Variants in TLE1 observed in about 807,000 individuals in gnomAD.
TLE1 encodes the protein TLE family member 1, transcriptional corepressor.
Under a neutral mutation model 89.8 loss-of-function variants are expected in TLE1, and 21 were observed. The ratio of observed to expected loss-of-function variants is 0.23; its 90% CI spans 0.17 to 0.34. TLE1 has a LOEUF of 0.34. Ranked by LOEUF, TLE1 falls within the 10% of genes least tolerant of loss-of-function variation. The pLI, the probability that TLE1 is intolerant of heterozygous loss-of-function variation, is 1.00. For synonymous variants in TLE1, 447 were observed against 407.6 expected (o/e 1.10, Z -1.16); for missense variants, 795 against 1,031.2 (o/e 0.77, Z 3.14).
chr9:81,659,339 C>T (rs911586585), intron 4 of TLE1, among the ~76,000 whole-genome samples: 6 of 152,218 alleles, frequency 3.9e-5, no homozygotes, highest in Non-Finnish European at 8.8e-5. Flanking sequence ...TGAGGGCTAA[C>T]TGTATTTCCC....
At chr9:81,674,071 T>A (rs1026578547) in intron 4 of TLE1, among the ~76,000 whole-genome samples, 16 of 152,142 alleles carry the variant, frequency 1.1e-4, no homozygotes, top group African/African-American at 3.6e-4. Context: ...GGTGGCTGCA[T>A]TTTGTTCTCT....
At chr9:81,649,278 G>A (rs1244324532) in intron 6 of TLE1, among the ~76,000 whole-genome samples, 1 of 152,134 alleles carries the variant, frequency 6.6e-6, no homozygotes, top group Non-Finnish European at 1.5e-5. Context: ...CAATTTCTAT[G>A]CTGGTGAGAA....
chr9:81,586,467 A>G (rs1828474507), intron 17 of TLE1, among the ~76,000 whole-genome samples: 1 of 152,232 alleles, frequency 6.6e-6, no homozygotes, highest in Non-Finnish European at 1.5e-5. Flanking sequence ...GTATTTGTAC[A>G]TCCAGATACA....
chr9:81,632,868 A>G (rs1826853805), intron 8 of TLE1, among the ~76,000 whole-genome samples: 1 of 152,210 alleles, frequency 6.6e-6, no homozygotes, highest in Admixed American at 6.5e-5. Context: ...AGCAACCAAG[A>G]TGCATTCACA....
At chr9:81,616,787 C>A in intron 9 of TLE1, 88 bp from the exon 10 acceptor site, 4 of 1,509,698 alleles carry the variant, frequency 2.6e-6, no homozygotes, top group Non-Finnish European at 3.7e-6. Context: ...TTCCTGGTAG[C>A]AGACAGACTA....
At chr9:81,655,221 G>T (rs560731574) in intron 4 of TLE1, among the ~76,000 whole-genome samples, 1 of 152,098 alleles carries the variant, frequency 6.6e-6, no homozygotes, top group Admixed American at 6.6e-5. Flanking sequence ...AAAATTAGCC[G>T]GGCGTGATGG....
chr9:81,585,038 G>C lies in TLE1; in HGVS notation c.2128+467C>G, dbSNP rs1828177259. On this transcript the variant is annotated intron_variant, in intron 18 of 19. Coordinates refer to ENST00000376499, the MANE Select transcript of TLE1 (RefSeq NM_005077.5). Reference sequence around the variant, plus strand: ...GTGAACAGATATCTGCCCATCTGCAGCACACAAGAAGGGTCACCACATGAA... The same window carrying C: ...GTGAACAGATATCTGCCCATCTGCACCACACAAGAAGGGTCACCACATGAA... Among the ~76,000 whole-genome samples, 3 of 151,932 alleles carry C rather than the reference G, an allele frequency of 2.0e-5. No individual in the cohort carries two copies. In the South Asian group the frequency reaches 6.2e-4, roughly 32 times the overall value.
chr9:81,652,424 C>G, intron 5 of TLE1, 136 bp from the exon 6 acceptor site: 2 of 636,752 alleles, frequency 3.1e-6, no homozygotes, highest in Admixed American at 2.7e-5. Flanking sequence ...CTCAACCACA[C>G]TTTATTTTCA....
chr9:81,666,408 G>T (rs1415660537), intron 4 of TLE1, among the ~76,000 whole-genome samples: 1 of 152,126 alleles, frequency 6.6e-6, no homozygotes, highest in Non-Finnish European at 1.5e-5. Context: ...ACAATGGCAG[G>T]ATTAGTGGGA....
intron 9 of TLE1, among the ~76,000 whole-genome samples, chr9:81,618,975 A>G (rs1435231774): frequency 1.4e-5 from 2 of 139,828 alleles, no homozygotes; most frequent in East Asian, 4.2e-4. Context: ...CCATCTATCC[A>G]ACCAGACAAA....
chr9:81,614,536 A>T (rs1261250284), intron 11 of TLE1, among the ~76,000 whole-genome samples: 3 of 152,166 alleles, frequency 2.0e-5, no homozygotes, highest in Non-Finnish European at 2.9e-5. Context: ...GGCAAAGAGC[A>T]CGGGCTAAAG....
intron 8 of TLE1, among the ~76,000 whole-genome samples, chr9:81,621,253 A>G (rs1021063570): frequency 1.3e-5 from 2 of 152,212 alleles, no homozygotes; most frequent in Non-Finnish European, 2.9e-5. Flanking sequence ...TCATTCGCAT[A>G]TGCCGAGTAG....
intron 4 of TLE1, among the ~76,000 whole-genome samples, chr9:81,661,343 C>G (rs1830774865): frequency 6.6e-6 from 1 of 151,670 alleles, no homozygotes; most frequent in Non-Finnish European, 1.5e-5. Flanking sequence ...GAGCCCACTC[C>G]TCAGCGCCCG....
intron 8 of TLE1, 164 bp from the exon 9 acceptor site, chr9:81,620,721 G>T: frequency 1.0e-6 from 1 of 985,328 alleles, no homozygotes. Context: ...ATATCTACAG[G>T]TTTACACACT....
intron 14 of TLE1, among the ~76,000 whole-genome samples, chr9:81,600,535 A>G (rs1166469759): frequency 6.6e-6 from 1 of 151,990 alleles, no homozygotes; most frequent in Non-Finnish European, 1.5e-5. Flanking sequence ...ACATATTCCT[A>G]TATCAGAAGG....
intron 4 of TLE1, among the ~76,000 whole-genome samples, chr9:81,666,543 G>A (rs1165091982): frequency 5.9e-5 from 9 of 152,162 alleles, no homozygotes; most frequent in African/African-American, 1.7e-4. Flanking sequence ...CTGGGAGGCC[G>A]AGGCAGGCGG....
At chr9:81,603,120 C>T (rs892625003) in intron 14 of TLE1, among the ~76,000 whole-genome samples, 1 of 152,190 alleles carries the variant, frequency 6.6e-6, no homozygotes, top group African/African-American at 2.4e-5. Flanking sequence ...CTCTCTCCAC[C>T]TAGAGGTTCA....
intron 13 of TLE1, 36 bp downstream of exon 13, chr9:81,611,733 C>T: frequency 6.8e-7 from 1 of 1,464,702 alleles, no homozygotes; most frequent in Non-Finnish European, 9.0e-7. Context: ...ATGCAGCGTT[C>T]CTACCCCAAC....
chr9:81,688,176 C>A, intron 1 of TLE1, 41 bp downstream of exon 1: 1 of 1,601,544 alleles, frequency 6.2e-7, no homozygotes. Context: ...AGCGCCTCCC[C>A]AACGATCCTG....
Sources: gnomAD v4.1 joint callset for allele counts (sites outside exome capture counted in the v4.1 genomes callset) on GRCh38, gnomAD v4.1.1 for gene constraint, MANE v1.5 for transcripts, NCBI Gene and HGNC (gene_info 2026-07-23, HGNC 2026-07-21) for gene names.